Variants in UNC79 observed in about 807,000 individuals in gnomAD.
UNC79 encodes the protein unc-79 subunit of NALCN channel complex, also known as protein unc-79 homolog.
A neutral mutation model predicts 283.1 loss-of-function variants in UNC79; 37 were observed. The ratio of observed to expected loss-of-function variants is 0.13; its 90% CI spans 0.10 to 0.17. UNC79 has a LOEUF of 0.17. Ranked by LOEUF, UNC79 falls within the 10% of genes least tolerant of loss-of-function variation. The probability of loss-of-function intolerance (pLI) is 1.00; values close to 1 mark genes in which losing one functional copy is unlikely to be tolerated. For missense variants in UNC79, 2,272 were observed against 3,211.1 expected (o/e 0.71, Z 7.07); for synonymous variants, 1,107 against 1,200.2 (o/e 0.92, Z 1.61).
Position 93,340,258 on chromosome 14 carries a change from C to T in UNC79, c.-351+6735C>T, listed in dbSNP as rs141230558. ...GAGATCGAGACCATCCTGGCTAACG[C>T]GGTGAAATGCCATCTCTACTAAAAA... On this transcript the variant is annotated intron_variant, in intron 1 of 49. Transcript: ENST00000256339. 3.0e-3 allele frequency among the ~76,000 whole-genome samples: 459 copies of T among 152,124 alleles called. 4 individuals are homozygous for T. The highest frequency in any genetic ancestry group is 0.018 in the Admixed American group (270 of 15,272).
Position 93,593,707 on chromosome 14 carries a change from C to G in UNC79, c.3060C>G (p.Phe1020Leu). ...TGTGGAGGGTCGTCAAATCCGAGTT[C>G]TCTCAGCTGTCTTCCCTGGCAGTCC... Residue 1020 changes from phenylalanine to leucine, a missense_variant, in exon 23 of 49, where the codon TTC becomes TTG. By Grantham distance (22) the Phe-to-Leu change is conservative. Around this residue, in one of 11 missense-constraint regions of UNC79, gnomAD observed 237 missense variants for 378.9 expected, o/e 0.63. Coordinates refer to ENST00000555664, the Ensembl canonical transcript of UNC79. 3 of 1,613,124 alleles carry G rather than the reference C, an allele frequency of 1.9e-6. No homozygotes were observed. Among genetic ancestry groups the G allele is most frequent in the Non-Finnish European group, 2.5e-6 (3 of 1,179,626 alleles).
At chr14:93,555,270 A>T (rs1043078931) in intron 14 of UNC79, among the ~76,000 whole-genome samples, 5 of 149,518 alleles carry the variant, frequency 3.3e-5, no homozygotes, top group African/African-American at 1.2e-4. Context: ...AAGCCAATTC[A>T]TTGGATGTCT....
rs976970466 is a variant in UNC79 at position 93,617,718 on chromosome 14, A to T, written c.4224+414A>T. The stretch of plus-strand genomic sequence containing the variant: ...TGCATTGCTGTCAGTGGTTTGGTGA[A>T]GGAGGAAATGAATATGGTCCCTTGT... On this transcript the variant is annotated intron_variant, in intron 28 of 48. Coordinates refer to ENST00000555664, the Ensembl canonical transcript of UNC79. The surrounding 1 kb of genome is among the most constrained non-coding windows in gnomAD (Gnocchi z 4.5). 6.6e-6 allele frequency among the ~76,000 whole-genome samples: 1 copy of T among 152,118 alleles called. No homozygotes were observed. The highest frequency in any genetic ancestry group is 2.4e-5 in the African/African-American group (1 of 41,422).
chr14:93,457,460 A>G (rs1309610531), intron 1 of UNC79, among the ~76,000 whole-genome samples: 2 of 152,236 alleles, frequency 1.3e-5, no homozygotes, highest in Non-Finnish European at 2.9e-5. Flanking sequence ...CTTAGGAGTT[A>G]GCCAGGCAAA....
intron 1 of UNC79, among the ~76,000 whole-genome samples, chr14:93,383,903 C>G (rs2054714952): frequency 4.9e-5 from 1 of 20,206 alleles, no homozygotes; most frequent in South Asian, 4.0e-3. Context: ...CATGAGTTTC[C>G]CTGCACAAAC....
At chr14:93,336,262 G>A (rs947708500) in intron 1 of UNC79, among the ~76,000 whole-genome samples, 1 of 152,202 alleles carries the variant, frequency 6.6e-6, no homozygotes, top group African/African-American at 2.4e-5. Flanking sequence ...TCTAAAAGGT[G>A]AAGAGGATTG....
chr14:93,462,363 G>A (rs762237717), intron 1 of UNC79, among the ~76,000 whole-genome samples: 5 of 152,184 alleles, frequency 3.3e-5, no homozygotes, highest in African/African-American at 7.2e-5. Flanking sequence ...GTGTCACGAC[G>A]TTAGGTTGGA....
At chr14:93,423,445 A>G (rs533606893) in intron 1 of UNC79, among the ~76,000 whole-genome samples, 7 of 152,338 alleles carry the variant, frequency 4.6e-5, no homozygotes, top group South Asian at 4.1e-4. Context: ...AAAAAATCAC[A>G]TTACCTGACT....
At chr14:93,412,699 T>G (rs1239960548) in intron 1 of UNC79, among the ~76,000 whole-genome samples, 1 of 152,036 alleles carries the variant, frequency 6.6e-6, no homozygotes, top group Non-Finnish European at 1.5e-5. Flanking sequence ...GTTTGCAAAG[T>G]TCAATGTTAC....
At position 93,698,940 on chromosome 14, in the gene UNC79, C is replaced by G. The variant is rs142360688; in HGVS notation, c.7548+4528C>G. On this transcript the variant is annotated intron_variant, in intron 47 of 48. Transcript: ENST00000555664. ...TGCACTTGAACAGTGTTGACTTTTG[C>G]TATATCAAATTACTAAATGTTACCC... Among the ~76,000 whole-genome samples the G allele has an allele frequency of 8.4e-4, 128 of 152,250 alleles. 1 individual carries two copies. The Middle Eastern group carries it at 0.014, about 16-fold the overall frequency.
intron 1 of UNC79, among the ~76,000 whole-genome samples, chr14:93,337,155 A>G (rs543609842): frequency 1.3e-5 from 2 of 152,296 alleles, no homozygotes; most frequent in South Asian, 2.1e-4. Context: ...CCACAGACCA[A>G]TTAGCATGCA....
chr14:93,425,419 C>G (rs1299402827), upstream of UNC79, among the ~76,000 whole-genome samples: 1 of 152,138 alleles, frequency 6.6e-6, no homozygotes, highest in African/African-American at 2.4e-5. Flanking sequence ...GCAAAATGGT[C>G]AAATATAGCC....
chr14:93,615,785 CTAAAAAT>C (rs150624080), intron 27 of UNC79, among the ~76,000 whole-genome samples: 3,545 of 138,150 alleles, frequency 0.026, 102 homozygotes, highest in African/African-American at 0.073. Context: ...GAAATATAAG[CTAAAAAT>C]TAAAAATTAA....
intron 1 of UNC79, among the ~76,000 whole-genome samples, chr14:93,411,244 G>C (rs1267406296): frequency 6.6e-6 from 1 of 152,198 alleles, no homozygotes; most frequent in Non-Finnish European, 1.5e-5. Context: ...GGAAAGGACT[G>C]TGTCTTCTGA....
chr14:93,372,190 AT>A (rs2054466183), intron 1 of UNC79, among the ~76,000 whole-genome samples: 1 of 133,428 alleles, frequency 7.5e-6, no homozygotes, highest in Non-Finnish European at 1.7e-5. Flanking sequence ...GTCATAAATA[AT>A]TTGTTCAAAA....
chr14:93,630,876 T>C (rs758625231), exon 31 of UNC79: 2 of 1,614,078 alleles, frequency 1.2e-6, no homozygotes, highest in South Asian at 2.2e-5. Flanking sequence ...GATGCAGGTG[T>C]GCCGGAAACA....
At chr14:93,572,168 C>T in intron 15 of UNC79, 84 bp downstream of exon 15, 1 of 1,410,854 alleles carries the variant, frequency 7.1e-7, no homozygotes, top group Non-Finnish European at 9.4e-7. Context: ...GGTCACCCTA[C>T]TAAGCGTTTT....
Position 93,617,036 on chromosome 14 carries a change from C to T in UNC79, c.4042-86C>T, listed in dbSNP as rs1027393185. ...ATATTTTGCCTGTTAAAAATTTTAA[C>T]CACTGGGATGGCTCAAATTTTTCCT... On this transcript the variant is annotated intron_variant, in intron 27 of 48. Coordinates refer to ENST00000555664, the Ensembl canonical transcript of UNC79. This position sits in a 1 kb window ranked among gnomAD's most constrained non-coding sequence, Gnocchi z 4.5. The T allele has an allele frequency of 7.1e-6, 9 of 1,270,380 alleles. No individual in the cohort carries two copies. Among genetic ancestry groups the T allele is most frequent in the South Asian group, 3.3e-5 (2 of 59,862 alleles). 78.7% of individuals were successfully genotyped at this position (1,270,380 alleles called of 1,614,324 possible). A position where few individuals can be genotyped will look rare whatever the true frequency, so the allele number is the denominator to read the frequency against.
intron 22 of UNC79, among the ~76,000 whole-genome samples, chr14:93,588,462 C>T (rs186117948): frequency 4.6e-5 from 7 of 152,186 alleles, no homozygotes; most frequent in Admixed American, 3.9e-4. Context: ...TCTGAACGGC[C>T]AGGTGCGATG....
Sources: allele counts gnomAD v4.1 joint callset (sites outside exome capture counted in the v4.1 genomes callset), GRCh38; gene constraint gnomAD v4.1.1; regional missense constraint gnomAD v4.1.1; non-coding constraint Gnocchi (gnomAD v3.1); transcripts MANE v1.5; gene names NCBI Gene and HGNC (gene_info 2026-07-23, HGNC 2026-07-21).